Variants in SUGCT observed in about 807,000 individuals in gnomAD.
SUGCT encodes the protein succinyl-CoA:glutarate-CoA transferase.
A neutral mutation model predicts 55.0 loss-of-function variants in SUGCT; 41 were observed. The ratio of observed to expected loss-of-function variants is 0.74; its 90% CI spans 0.58 to 0.97. The LOEUF (loss-of-function observed/expected upper bound fraction) is 0.97. Among genes scored for constraint, SUGCT ranks in the 50% least tolerant of loss-of-function variants. SUGCT has a pLI of 0.00. For synonymous variants in SUGCT, 187 were observed against 200.4 expected, an observed-to-expected ratio of 0.93 and a Z score of 0.56; for missense variants, 568 against 547.8, an observed-to-expected ratio of 1.04 and a Z score of -0.37.
the SUGCT span, among the ~76,000 whole-genome samples, chr7:40,995,341 T>C: frequency 6.6e-6 from 1 of 151,728 alleles, no homozygotes. Flanking sequence ...TTATCCCCGT[T>C]ATCTCCTCCC....
chr7:40,143,588 G>A (rs993437845), intron 1 of SUGCT, among the ~76,000 whole-genome samples: 2 of 152,250 alleles, frequency 1.3e-5, no homozygotes, highest in African/African-American at 4.8e-5. Context: ...TTTGTTTAAC[G>A]TGCAGACGGA....
At chr7:40,464,384 A>G (rs895776602) in intron 11 of SUGCT, among the ~76,000 whole-genome samples, 9 of 152,092 alleles carry the variant, frequency 5.9e-5, no homozygotes, top group African/African-American at 2.2e-4. Flanking sequence ...AGAAGGAGCA[A>G]CTCCTTTAAT....
At chr7:40,985,574 TTGAAGGC>T in the SUGCT span, among the ~76,000 whole-genome samples, 1 of 152,132 alleles carries the variant, frequency 6.6e-6, no homozygotes, top group Non-Finnish European at 1.5e-5. Context: ...AGAAGTGTGT[TTGAAGGC>T]TGAAGGGTAA....
chr7:40,139,752 A>AT, intron 1 of SUGCT, among the ~76,000 whole-genome samples: 1 of 151,908 alleles, frequency 6.6e-6, no homozygotes, highest in African/African-American at 2.4e-5. Flanking sequence ...CCATTTGCCT[A>AT]TTTTTGTTTT....
chr7:40,677,197 A>C (rs1323933806), intron 12 of SUGCT, among the ~76,000 whole-genome samples: 2 of 152,138 alleles, frequency 1.3e-5, no homozygotes, highest in Non-Finnish European at 2.9e-5. Flanking sequence ...TTGGAACCTC[A>C]CAGCCAGATG....
At chr7:40,925,565 C>T in the SUGCT span, among the ~76,000 whole-genome samples, 11 of 152,110 alleles carry the variant, frequency 7.2e-5, no homozygotes, top group African/African-American at 2.7e-4. Flanking sequence ...TCAGATAAAG[C>T]TCAATAGGTG....
chr7:40,762,490 C>T (rs542382349), intron 13 of SUGCT, among the ~76,000 whole-genome samples: 1 of 152,140 alleles, frequency 6.6e-6, no homozygotes, highest in Admixed American at 6.5e-5. Flanking sequence ...CTTTTACCAC[C>T]AAAAGGGAAA....
chr7:40,593,252 C>T (rs1797824301), intron 12 of SUGCT, among the ~76,000 whole-genome samples: 1 of 152,202 alleles, frequency 6.6e-6, no homozygotes, highest in African/African-American at 2.4e-5. Flanking sequence ...GGGAACCCCT[C>T]TCCCTTTTCT....
rs146014435 is a variant in SUGCT at position 40,776,438 on chromosome 7, G to A, written c.1153+26941G>A. On this transcript the variant is annotated intron_variant, in intron 13 of 13. Transcript: ENST00000335693. ...ATCACTATTTGTATTCATTTTAATGGTTGTTTCTCTTTGATTGACATCAAA... is the reference window on the plus strand; with the variant it reads ...ATCACTATTTGTATTCATTTTAATGATTGTTTCTCTTTGATTGACATCAAA... Among the ~76,000 whole-genome samples, 79 of 152,192 alleles carry A rather than the reference G, an allele frequency of 5.2e-4. No individual in the cohort carries two copies. The Middle Eastern group carries it at 0.01, about 20-fold the overall frequency.
chr7:40,637,465 G>A (rs1800070399), intron 12 of SUGCT, among the ~76,000 whole-genome samples: 1 of 152,214 alleles, frequency 6.6e-6, no homozygotes, highest in African/African-American at 2.4e-5. Context: ...TAGGAAACGG[G>A]GAGGACCCCT....
At chr7:40,575,956 A>AG (rs1219414862) in intron 12 of SUGCT, among the ~76,000 whole-genome samples, 1 of 151,926 alleles carries the variant, frequency 6.6e-6, no homozygotes, top group East Asian at 1.9e-4. Context: ...AAAAAAAAAA[A>AG]AAAAAGAAAA....
intron 12 of SUGCT, among the ~76,000 whole-genome samples, chr7:40,670,442 C>T (rs535666341): frequency 7.9e-5 from 12 of 152,136 alleles, no homozygotes; most frequent in South Asian, 2.1e-4. Flanking sequence ...GGAGAAAGAA[C>T]GTACTAATGT....
chr7:40,573,699 G>C lies in SUGCT; in HGVS notation c.1089+77313G>C, dbSNP rs141406248. ...ATTGTGTCCTACGGTTTTGAGAAAT[G>C]GCAGATGCCTTAATGATCTGCTAAG... On this transcript the variant is annotated intron_variant, in intron 12 of 13. Coordinates refer to ENST00000335693, the MANE Select transcript of SUGCT (RefSeq NM_001193313.2). Among the ~76,000 whole-genome samples the C allele has an allele frequency of 2.0e-3, 304 of 152,286 alleles. 1 individual carries two copies. The highest frequency in any genetic ancestry group is 6.8e-3 in the Middle Eastern group (2 of 294).
intron 12 of SUGCT, among the ~76,000 whole-genome samples, chr7:40,564,635 T>C (rs898240036): frequency 7.2e-5 from 11 of 152,192 alleles, no homozygotes; most frequent in African/African-American, 2.7e-4. Flanking sequence ...CCATTTAATA[T>C]CTTGACAATG....
At chr7:40,562,619 A>G (rs1371063691) in intron 12 of SUGCT, among the ~76,000 whole-genome samples, 1 of 152,202 alleles carries the variant, frequency 6.6e-6, no homozygotes, top group Non-Finnish European at 1.5e-5. Flanking sequence ...AGACAAAGGT[A>G]TTAATTATAA....
At chr7:40,339,912 T>C (rs1796951774) in intron 9 of SUGCT, among the ~76,000 whole-genome samples, 1 of 152,232 alleles carries the variant, frequency 6.6e-6, no homozygotes, top group African/African-American at 2.4e-5. Context: ...CAGTGGCTCT[T>C]AAACTTTCTT....
chr7:40,379,607 C>A (rs946219917), intron 9 of SUGCT, among the ~76,000 whole-genome samples: 13 of 152,108 alleles, frequency 8.5e-5, no homozygotes, highest in Non-Finnish European at 1.8e-4. Context: ...CACTGAGTGT[C>A]TTCTCAATTA....
At chr7:40,898,016 A>G in the SUGCT span, among the ~76,000 whole-genome samples, 1 of 152,116 alleles carries the variant, frequency 6.6e-6, no homozygotes, top group African/African-American at 2.4e-5. Flanking sequence ...CCGGTGTGAA[A>G]GGTGTGTTCT....
At chr7:40,824,077 G>A (rs938473553) in intron 13 of SUGCT, among the ~76,000 whole-genome samples, 1 of 152,104 alleles carries the variant, frequency 6.6e-6, no homozygotes, top group Non-Finnish European at 1.5e-5. Context: ...AAGTCAGAAG[G>A]AGAGAAAATG....
Sources: allele counts gnomAD v4.1 joint callset (sites outside exome capture counted in the v4.1 genomes callset), GRCh38; gene constraint gnomAD v4.1.1; transcripts MANE v1.5; gene names NCBI Gene and HGNC (gene_info 2026-07-23, HGNC 2026-07-21).